KYNU: variants seen among roughly 807,000 people sequenced by gnomAD.
The protein encoded by KYNU is kynureninase.
A neutral mutation model predicts 59.2 loss-of-function variants in KYNU; 54 were observed. The ratio of observed to expected loss-of-function variants is 0.91; its 90% CI spans 0.73 to 1.14. KYNU has a LOEUF of 1.14. Among genes scored for constraint, KYNU ranks in the 50% most tolerant of loss-of-function variants. The pLI is 0.00. For synonymous variants in KYNU, 177 were observed against 192.0 expected, an observed-to-expected ratio of 0.92 and a Z score of 0.65; for missense variants, 567 against 554.4, an observed-to-expected ratio of 1.02 and a Z score of -0.23.
intron 10 of KYNU, among the ~76,000 whole-genome samples, chr2:142,994,844 T>C (rs548146044): frequency 6.6e-6 from 1 of 152,238 alleles, no homozygotes; most frequent in South Asian, 2.1e-4. Context: ...TTCTAGCATA[T>C]GGAAGCATTT....
Position 143,042,973 on chromosome 2 carries a change from C to A in KYNU, c.*801C>A, listed in dbSNP as rs1687100278. The A allele has an allele frequency of 6.6e-6, 1 of 151,662 alleles. No individual in the cohort carries two copies. The allele number at this position is 151,662 out of a possible 1,614,324, so 9.4% of individuals were successfully genotyped here. On this transcript the variant is annotated 3_prime_UTR_variant, in exon 14 of 14. Coordinates refer to ENST00000264170, the MANE Select transcript of KYNU (RefSeq NM_003937.3). Reference sequence around the variant, plus strand: ...TAAATAGCAAAAATAAAAGTTTTTACAATTATTTGCCTGTGCTCTAATAGG... The same window carrying A: ...TAAATAGCAAAAATAAAAGTTTTTAAAATTATTTGCCTGTGCTCTAATAGG...
At chr2:142,907,409 C>A (rs1048699993) in intron 2 of KYNU, among the ~76,000 whole-genome samples, 3 of 152,182 alleles carry the variant, frequency 2.0e-5, no homozygotes, top group Non-Finnish European at 2.9e-5. Context: ...GAGACTTTAG[C>A]CCGATCAGGA....
At position 143,042,292 on chromosome 2, in the gene KYNU, A is replaced by G; in HGVS notation, c.*120A>G. The G allele has an allele frequency of 3.1e-6, 3 of 977,938 alleles. No homozygotes were observed. Among genetic ancestry groups the G allele is most frequent in the Admixed American group, 2.1e-5 (1 of 48,422 alleles). 60.6% of individuals were successfully genotyped at this position (977,938 alleles called of 1,614,324 possible). On this transcript the variant is annotated 3_prime_UTR_variant, in exon 14 of 14. Coordinates refer to ENST00000264170, the MANE Select transcript of KYNU (RefSeq NM_003937.3). ...ATTGACCACATGTAACTAACAATAAATAATATACCTTACAGAAAATCTGAT... is the reference window on the plus strand; with the variant it reads ...ATTGACCACATGTAACTAACAATAAGTAATATACCTTACAGAAAATCTGAT...
chr2:142,947,084 T>G, intron 4 of KYNU: 1 of 1,550,946 alleles, frequency 6.4e-7, no homozygotes, highest in Non-Finnish European at 8.7e-7. Flanking sequence ...TGTCAAACAA[T>G]ATGTCCTTTT....
At chr2:142,926,942 G>A (rs752369592) in intron 3 of KYNU, among the ~76,000 whole-genome samples, 3 of 152,138 alleles carry the variant, frequency 2.0e-5, no homozygotes, top group Non-Finnish European at 2.9e-5. Context: ...ACTCAGAGGC[G>A]CTTCATCTTA....
intron 4 of KYNU, among the ~76,000 whole-genome samples, chr2:142,935,830 A>C (rs1683372549): frequency 6.6e-6 from 1 of 152,142 alleles, no homozygotes; most frequent in Non-Finnish European, 1.5e-5. Context: ...TGAGTTGATA[A>C]GCAGTGGAGG....
intron 10 of KYNU, chr2:142,989,329 T>C (rs1241258111): frequency 2.0e-6 from 2 of 1,007,772 alleles, no homozygotes; most frequent in East Asian, 9.0e-5. Flanking sequence ...ATCTTACTTT[T>C]CTGTTCTCTT....
intron 4 of KYNU, among the ~76,000 whole-genome samples, chr2:142,931,527 G>A (rs1683218086): frequency 6.6e-6 from 1 of 152,150 alleles, no homozygotes; most frequent in African/African-American, 2.4e-5. Flanking sequence ...GAAAGACTGT[G>A]TCTGGATTAA....
chr2:143,000,108 A>G (rs1292737722), intron 10 of KYNU, among the ~76,000 whole-genome samples: 2 of 152,182 alleles, frequency 1.3e-5, no homozygotes, highest in African/African-American at 2.4e-5. Context: ...ATTAGCTACC[A>G]ATGGCCCCAG....
intron 11 of KYNU, among the ~76,000 whole-genome samples, chr2:143,032,743 C>CTGTG (rs1686793340): frequency 9.0e-5 from 5 of 55,300 alleles, no homozygotes; most frequent in Non-Finnish European, 1.5e-4. Flanking sequence ...GTGTGTGTGT[C>CTGTG]TGTGTGTGTT....
At chr2:142,987,548 C>G (rs1685246615) in intron 10 of KYNU, among the ~76,000 whole-genome samples, 1 of 151,938 alleles carries the variant, frequency 6.6e-6, no homozygotes, top group South Asian at 2.1e-4. Context: ...AAGAGAAAGA[C>G]CATCTAGGCA....
intron 4 of KYNU, among the ~76,000 whole-genome samples, chr2:142,932,908 A>G (rs1236686912): frequency 6.6e-6 from 1 of 152,132 alleles, no homozygotes; most frequent in East Asian, 1.9e-4. Flanking sequence ...TTCACACAGA[A>G]GTGTTTAGGG....
At chr2:142,915,904 T>C (rs1036702768) in intron 2 of KYNU, among the ~76,000 whole-genome samples, 3 of 152,104 alleles carry the variant, frequency 2.0e-5, no homozygotes, top group African/African-American at 7.2e-5. Flanking sequence ...AAATGAGATA[T>C]TAGAGTGGGC....
chr2:142,903,858 G>A (rs558427234), intron 2 of KYNU, among the ~76,000 whole-genome samples: 3 of 152,030 alleles, frequency 2.0e-5, no homozygotes, highest in Admixed American at 6.6e-5. Context: ...CTTGTAGATC[G>A]CACTGGAAGC....
chr2:142,943,195 G>A (rs1456065369), intron 4 of KYNU, among the ~76,000 whole-genome samples: 1 of 151,494 alleles, frequency 6.6e-6, no homozygotes, highest in Non-Finnish European at 1.5e-5. Flanking sequence ...GGAAGGAGAT[G>A]CCTGCCCTGC....
At chr2:142,960,559 C>T (rs553516538) in intron 7 of KYNU, 65 bp from the exon 8 acceptor site, 32 of 1,451,756 alleles carry the variant, frequency 2.2e-5, no homozygotes, top group African/African-American at 8.5e-5. Context: ...AAATTTAGAT[C>T]GGCAATATGA....
At chr2:142,993,103 A>G (rs35046471) in intron 10 of KYNU, among the ~76,000 whole-genome samples, 17,416 of 152,070 alleles carry the variant, frequency 0.11, 1,087 homozygotes, top group East Asian at 0.26. Flanking sequence ...ATGCAATACT[A>G]ACTAAGTGAA....
intron 10 of KYNU, among the ~76,000 whole-genome samples, chr2:142,996,489 C>G (rs1201151152): frequency 6.6e-6 from 1 of 152,180 alleles, no homozygotes; most frequent in East Asian, 1.9e-4. Context: ...ATTGGGGATA[C>G]AGGCATGAAT....
chr2:142,899,146 A>G (rs1366186360), intron 2 of KYNU, among the ~76,000 whole-genome samples: 3 of 152,154 alleles, frequency 2.0e-5, no homozygotes, highest in African/African-American at 7.2e-5. Flanking sequence ...GCCGTAACAA[A>G]CACGGACCAG....
Sources: allele counts gnomAD v4.1 joint callset (sites outside exome capture counted in the v4.1 genomes callset), GRCh38; gene constraint gnomAD v4.1.1; transcripts MANE v1.5; gene names NCBI Gene and HGNC (gene_info 2026-07-23, HGNC 2026-07-21).